Variants in CLUAP1 observed in about 807,000 individuals in gnomAD.
The protein encoded by CLUAP1 is intraflagellar transport 38, also known as clusterin-associated protein 1.
A neutral mutation model predicts 55.0 loss-of-function variants in CLUAP1; 50 were observed. That is an observed-to-expected ratio of 0.91 (90% confidence interval 0.72 to 1.15). The LOEUF (loss-of-function observed/expected upper bound fraction) is 1.15, where lower values mean the gene tolerates loss of function less well. Ranked by LOEUF, CLUAP1 falls within the 50% of genes most tolerant of loss-of-function variation. The pLI is 0.00. For synonymous variants in CLUAP1, 195 were observed against 175.4 expected (o/e 1.11, Z -0.88); for missense variants, 530 against 507.6 (o/e 1.04, Z -0.42).
At chr16:3,512,205 A>G (rs973808029) in intron 4 of CLUAP1, among the ~76,000 whole-genome samples, 178 bp from the exon 5 acceptor site, 5 of 150,346 alleles carry the variant, frequency 3.3e-5, no homozygotes. Context: ...AAAAAAAAAA[A>G]TCTGTGGCTG....
At chr16:3,513,236 G>A (rs184020289) in intron 5 of CLUAP1, among the ~76,000 whole-genome samples, 80 of 152,262 alleles carry the variant, frequency 5.3e-4, no homozygotes, top group South Asian at 1.2e-3. Context: ...ATGTGACCTG[G>A]GCATTGGGAG....
upstream of CLUAP1, chr16:3,496,610 C>T: frequency 1.9e-6 from 1 of 531,792 alleles, no homozygotes; most frequent in Non-Finnish European, 3.7e-6. Context: ...GGACGGCGGC[C>T]CCGTCCTACT....
At chr16:3,508,808 A>G (rs2037560096) in intron 4 of CLUAP1, among the ~76,000 whole-genome samples, 1 of 152,090 alleles carries the variant, frequency 6.6e-6, no homozygotes, top group Non-Finnish European at 1.5e-5. Flanking sequence ...TGTGGAGAAT[A>G]ATAAGCTGGG....
chr16:3,512,076 C>G (rs986472631), intron 4 of CLUAP1, among the ~76,000 whole-genome samples: 4 of 151,596 alleles, frequency 2.6e-5, no homozygotes, highest in African/African-American at 9.7e-5. Context: ...ATCCCAGCCA[C>G]TTGGGAGGCT....
intron 9 of CLUAP1, 124 bp from the exon 10 acceptor site, chr16:3,530,444 C>T (rs1184293379): frequency 2.9e-6 from 2 of 698,752 alleles, no homozygotes; most frequent in Non-Finnish European, 5.1e-6. Context: ...GATTTAATGT[C>T]TTAATTTCCT....
chr16:3,516,244 G>T (rs1288964101), intron 6 of CLUAP1, among the ~76,000 whole-genome samples: 2 of 152,168 alleles, frequency 1.3e-5, no homozygotes, highest in Non-Finnish European at 2.9e-5. Context: ...CATCACTGGT[G>T]ATTTATTTTA....
intron 8 of CLUAP1, among the ~76,000 whole-genome samples, chr16:3,524,389 C>G (rs993060676): frequency 1.3e-5 from 2 of 151,306 alleles, no homozygotes; most frequent in African/African-American, 4.9e-5. Context: ...ACCACGAGGT[C>G]AGGAGTTTGA....
Position 3,538,751 on chromosome 16 carries a change from C to G in CLUAP1, c.*2480C>G, listed in dbSNP as rs1481068156. The G allele has an allele frequency of 6.6e-6, 1 of 152,180 alleles. No individual in the cohort carries two copies. Among genetic ancestry groups the G allele is most frequent in the South Asian group, 2.1e-4 (1 of 4,828 alleles). 9.4% of individuals were successfully genotyped at this position (152,180 alleles called of 1,614,324 possible). A position where few individuals can be genotyped will look rare whatever the true frequency, so the allele number is the denominator to read the frequency against. On this transcript the variant is annotated 3_prime_UTR_variant, in exon 12 of 12. Coordinates refer to ENST00000576634, the MANE Select transcript of CLUAP1 (RefSeq NM_015041.3). ...CTTGCTTGAGCACGGAAGTTTCTGT[C>G]AACAGCAAGCTTTATGTGCTCTATC...
upstream of CLUAP1, among the ~76,000 whole-genome samples, chr16:3,500,256 G>T (rs888836364): frequency 6.6e-6 from 1 of 152,224 alleles, no homozygotes; most frequent in Non-Finnish European, 1.5e-5. Flanking sequence ...CCGAGGCCTG[G>T]CCTGCCTCTG....
At chr16:3,530,782 G>C (rs140912705) in intron 10 of CLUAP1, 107 bp downstream of exon 10, 3 of 759,096 alleles carry the variant, frequency 4.0e-6, no homozygotes, top group East Asian at 2.7e-5. Flanking sequence ...AGCGTGCTGC[G>C]AATGGCCCCT....
At chr16:3,500,782 G>A (rs1388864573), upstream of CLUAP1, 6 of 509,572 alleles carry the variant, frequency 1.2e-5, no homozygotes, top group Non-Finnish European at 2.1e-5. Context: ...AGCGCGAAAC[G>A]TCCGCAAAGC....
At chr16:3,495,922 T>C in the CLUAP1 span, among the ~76,000 whole-genome samples, 2 of 152,114 alleles carry the variant, frequency 1.3e-5, no homozygotes, top group African/African-American at 2.4e-5. Flanking sequence ...GGGCGGATCA[T>C]GAGGTCAGGA....
At chr16:3,513,484 C>T (rs1393343160) in intron 5 of CLUAP1, among the ~76,000 whole-genome samples, 1 of 151,920 alleles carries the variant, frequency 6.6e-6, no homozygotes. Context: ...CAGTCTCACT[C>T]TGTTGCCCAG....
At chr16:3,501,287 G>A (rs1010809324) in intron 1 of CLUAP1, among the ~76,000 whole-genome samples, 198 bp downstream of exon 1, 4 of 152,264 alleles carry the variant, frequency 2.6e-5, no homozygotes, top group African/African-American at 9.6e-5. Flanking sequence ...CATTTCTAGC[G>A]AGGATGGAAA....
Position 3,538,031 on chromosome 16 carries a change from A to G in CLUAP1, c.*1760A>G, listed in dbSNP as rs2038269588. 1 of 151,392 alleles carries G rather than the reference A, an allele frequency of 6.6e-6. No individual in the cohort carries two copies. The highest frequency in any genetic ancestry group is 2.1e-4 in the South Asian group (1 of 4,826). 9.4% of individuals were successfully genotyped at this position (151,392 alleles called of 1,614,324 possible). Reference sequence around the variant, plus strand: ...AAAAAAAAAAAAAAAGCATACAGTAAATAAAAAAGCACAAAACAGTTTTCA... The same window carrying G: ...AAAAAAAAAAAAAAAGCATACAGTAGATAAAAAAGCACAAAACAGTTTTCA... On this transcript the variant is annotated 3_prime_UTR_variant, in exon 12 of 12. Coordinates refer to ENST00000576634, the MANE Select transcript of CLUAP1 (RefSeq NM_015041.3).
intron 9 of CLUAP1, among the ~76,000 whole-genome samples, chr16:3,528,212 G>T (rs918774004): frequency 6.6e-6 from 1 of 152,120 alleles, no homozygotes; most frequent in Admixed American, 6.6e-5. Flanking sequence ...TCCTCCTCTT[G>T]CTGGTTGCCC....
At chr16:3,516,133 A>G (rs1030181105) in intron 6 of CLUAP1, among the ~76,000 whole-genome samples, 4 of 152,204 alleles carry the variant, frequency 2.6e-5, no homozygotes, top group Non-Finnish European at 4.4e-5. Flanking sequence ...CTCATCTGTA[A>G]AATGGCAAGA....
At chr16:3,523,344 T>A in intron 8 of CLUAP1, 45 bp downstream of exon 8, 4 of 1,564,000 alleles carry the variant, frequency 2.6e-6, no homozygotes, top group Non-Finnish European at 3.4e-6. Context: ...TCTGGTGTGT[T>A]ATTTTGTACT....
At chr16:3,516,013 A>C (rs1216358675) in intron 6 of CLUAP1, among the ~76,000 whole-genome samples, 1 of 152,218 alleles carries the variant, frequency 6.6e-6, no homozygotes, top group East Asian at 1.9e-4. Context: ...CATCTAAAGC[A>C]GTCAGTTGGA....
Sources: gnomAD v4.1 joint callset for allele counts (sites outside exome capture counted in the v4.1 genomes callset) on GRCh38, gnomAD v4.1.1 for gene constraint, MANE v1.5 for transcripts, NCBI Gene and HGNC (gene_info 2026-07-23, HGNC 2026-07-21) for gene names.